RBFOX1: variants seen among roughly 807,000 people sequenced by gnomAD.
The protein encoded by RBFOX1 is RNA binding fox-1 homolog 1.
Under a neutral mutation model 57.7 loss-of-function variants are expected in RBFOX1, and 8 were observed. The observed-to-expected ratio is 0.14, with a 90% CI of 0.08 to 0.25. The LOEUF (loss-of-function observed/expected upper bound fraction) is 0.25, where lower values mean the gene tolerates loss of function less well. Ranked by LOEUF, RBFOX1 falls within the 10% of genes least tolerant of loss-of-function variation. The pLI, the probability that RBFOX1 is intolerant of heterozygous loss-of-function variation, is 1.00. For missense variants in RBFOX1, 611 were observed against 548.5 expected, an observed-to-expected ratio of 1.11 and a Z score of -1.14; for synonymous variants, 326 against 222.4, an observed-to-expected ratio of 1.47 and a Z score of -4.15.
intron 3 of RBFOX1, among the ~76,000 whole-genome samples, chr16:6,734,404 A>C (rs912597491): frequency 2.0e-5 from 3 of 152,190 alleles, no homozygotes; most frequent in African/African-American, 7.2e-5. Context: ...GAACACTGAC[A>C]ATTATGTAGC....
intron 3 of RBFOX1, among the ~76,000 whole-genome samples, chr16:5,680,576 C>A (rs1283774812): frequency 6.6e-6 from 1 of 152,066 alleles, no homozygotes; most frequent in Non-Finnish European, 1.5e-5. Context: ...GTAGACAGAC[C>A]TGTTGGAGGC....
At position 7,191,843 on chromosome 16, in the gene RBFOX1, G is replaced by A. The variant is rs1327649075; in HGVS notation, c.27+139745G>A. Among the ~76,000 whole-genome samples the A allele has an allele frequency of 2.0e-5, 3 of 152,312 alleles. No homozygotes were observed. In the East Asian group the frequency reaches 5.8e-4, roughly 29 times the overall value. ...CCATTGAGGCGAAAGAGTCCGTTTG[G>A]TTTTATTAACCATCACCAGGCAACT... is the stretch of plus-strand genomic sequence containing the variant. On this transcript the variant is annotated intron_variant, in intron 4 of 15. Transcript: ENST00000550418.
chr16:6,111,890 A>G (rs1232418333), intron 1 of RBFOX1, among the ~76,000 whole-genome samples: 2 of 152,220 alleles, frequency 1.3e-5, no homozygotes, highest in Admixed American at 1.3e-4. Flanking sequence ...ATGGATTGAT[A>G]TAAATAATCC....
intron 2 of RBFOX1, among the ~76,000 whole-genome samples, chr16:6,607,490 C>G (rs369550075): frequency 1.3e-5 from 2 of 148,346 alleles, no homozygotes; most frequent in African/African-American, 5.0e-5. Context: ...CTTACTCTTT[C>G]TTCCTCTCTC....
chr16:6,477,683 C>T (rs193294063), intron 2 of RBFOX1, among the ~76,000 whole-genome samples: 3 of 152,300 alleles, frequency 2.0e-5, no homozygotes, highest in Admixed American at 6.5e-5. Context: ...CTAATAAGAG[C>T]GTCAGCTTGT....
At chr16:6,512,792 A>G (rs1412431597) in intron 2 of RBFOX1, among the ~76,000 whole-genome samples, 1 of 152,276 alleles carries the variant, frequency 6.6e-6, no homozygotes, top group East Asian at 1.9e-4. Context: ...GAGTAGTCTC[A>G]TTGTCTTAGC....
chr16:7,058,515 CTA>C (rs1317502036), intron 4 of RBFOX1, among the ~76,000 whole-genome samples: 3 of 152,184 alleles, frequency 2.0e-5, no homozygotes, highest in African/African-American at 7.2e-5. Context: ...TCAATCCTCT[CTA>C]TGTCAAATTC....
chr16:7,129,031 G>A (rs561188439), intron 4 of RBFOX1, among the ~76,000 whole-genome samples: 144 of 151,992 alleles, frequency 9.5e-4, no homozygotes, highest in African/African-American at 3.4e-3. Flanking sequence ...ATGTTGGCCA[G>A]GATGGTCTTG....
At chr16:6,846,470 A>G (rs1430931995) in intron 3 of RBFOX1, among the ~76,000 whole-genome samples, 2 of 152,198 alleles carry the variant, frequency 1.3e-5, no homozygotes, top group Non-Finnish European at 2.9e-5. Flanking sequence ...CCTGGGTCAT[A>G]ATGAGGGAGA....
intron 4 of RBFOX1, among the ~76,000 whole-genome samples, chr16:6,013,159 A>G (rs2094971830): frequency 6.6e-6 from 1 of 152,218 alleles, no homozygotes; most frequent in Non-Finnish European, 1.5e-5. Context: ...AGTAGTAGAT[A>G]TGGAATATGA....
At chr16:5,417,934 C>A (rs9922748) in intron 1 of RBFOX1, among the ~76,000 whole-genome samples, 15 of 151,842 alleles carry the variant, frequency 9.9e-5, no homozygotes, top group Non-Finnish European at 1.9e-4. Context: ...TACAAAAATT[C>A]GCTGGGTGTT....
At chr16:5,467,174 T>A in intron 1 of RBFOX1, 1 of 1,264,276 alleles carries the variant, frequency 7.9e-7, no homozygotes, top group Non-Finnish European at 1.1e-6. Context: ...TCAATGTTTC[T>A]TCTCTCTCTC....
At chr16:7,235,767 G>C (rs140355260) in intron 4 of RBFOX1, among the ~76,000 whole-genome samples, 2 of 152,148 alleles carry the variant, frequency 1.3e-5, no homozygotes, top group Admixed American at 1.3e-4. Context: ...TGTTAAAAAT[G>C]TTTAAAGCTA....
chr16:5,866,788 T>C (rs969460366), intron 3 of RBFOX1, among the ~76,000 whole-genome samples: 1 of 152,196 alleles, frequency 6.6e-6, no homozygotes, highest in African/African-American at 2.4e-5. Context: ...TGAGATAAAA[T>C]ATATAAACAA....
At chr16:6,959,770 C>G (rs1230588523) in intron 3 of RBFOX1, among the ~76,000 whole-genome samples, 1 of 152,234 alleles carries the variant, frequency 6.6e-6, no homozygotes, top group Admixed American at 6.5e-5. Context: ...AACCCCGTTT[C>G]TACCAAAAGT....
chr16:5,791,524 C>T (rs374363261), intron 3 of RBFOX1, among the ~76,000 whole-genome samples: 1 of 152,116 alleles, frequency 6.6e-6, no homozygotes, highest in Non-Finnish European at 1.5e-5. Context: ...CACTGCCTGG[C>T]ACAGTAACTG....
chr16:6,776,620 T>C (rs1003255290), intron 3 of RBFOX1, among the ~76,000 whole-genome samples: 1 of 152,248 alleles, frequency 6.6e-6, no homozygotes, highest in South Asian at 2.1e-4. Context: ...GGGAGAGTTT[T>C]CTTTATCCCT....
At chr16:7,601,315 T>C (rs1400426064) in intron 9 of RBFOX1, among the ~76,000 whole-genome samples, 21 of 152,166 alleles carry the variant, frequency 1.4e-4, no homozygotes, top group Admixed American at 1.3e-3. Context: ...GTGATAATTA[T>C]GAGAGAAAGT....
At chr16:7,098,614 C>G (rs775677326) in intron 4 of RBFOX1, among the ~76,000 whole-genome samples, 1 of 152,074 alleles carries the variant, frequency 6.6e-6, no homozygotes, top group African/African-American at 2.4e-5. Context: ...ACAGGAAATT[C>G]ATTGGTTTCT....
Sources: gnomAD v4.1 joint callset for allele counts (sites outside exome capture counted in the v4.1 genomes callset) on GRCh38, gnomAD v4.1.1 for gene constraint, MANE v1.5 for transcripts, NCBI Gene and HGNC (gene_info 2026-07-23, HGNC 2026-07-21) for gene names.